The following EXOC4 variants were observed in gnomAD, a reference collection of about 807,000 sequenced individuals.
EXOC4 encodes the protein SEC8-like 1.
A neutral mutation model predicts 107.2 loss-of-function variants in EXOC4; 71 were observed. That is an observed-to-expected ratio of 0.66 (90% CI 0.55 to 0.81). The LOEUF (loss-of-function observed/expected upper bound fraction) is 0.81, where lower values mean the gene tolerates loss of function less well. Among genes scored for constraint, EXOC4 ranks in the 30% least tolerant of loss-of-function variants. The pLI is 0.00. For missense variants in EXOC4, 1,108 were observed against 1,189.6 expected (o/e 0.93, Z 1.01); for synonymous variants, 456 against 441.2 (o/e 1.03, Z -0.42).
chr7:133,280,956 G>A (rs1464961609), intron 2 of EXOC4, among the ~76,000 whole-genome samples: 1 of 152,156 alleles, frequency 6.6e-6, no homozygotes, highest in Non-Finnish European at 1.5e-5. Flanking sequence ...TTAAATGCGT[G>A]CAGCACTCTA....
At position 133,297,938 on chromosome 7, in the gene EXOC4, A is replaced by G. The variant is rs557080161; in HGVS notation, c.472-7939A>G. Among the ~76,000 whole-genome samples the G allele has an allele frequency of 7.9e-5, 12 of 152,322 alleles. No homozygotes were observed. The South Asian group carries it at 2.5e-3, about 32-fold the overall frequency. ...ATCCTCCATCATATTTCTGGTTTCA[A>G]CCTCACATACGACCTTTCTTGAACA... On this transcript the variant is annotated intron_variant, in intron 3 of 17. Coordinates refer to ENST00000253861, the MANE Select transcript of EXOC4 (RefSeq NM_021807.4).
chr7:133,803,371 A>G (rs959647084), intron 10 of EXOC4, among the ~76,000 whole-genome samples: 3 of 152,204 alleles, frequency 2.0e-5, no homozygotes, highest in African/African-American at 7.2e-5. Flanking sequence ...TTTTAAATGT[A>G]CAAACCATTT....
chr7:133,835,490 T>A (rs1321813138), intron 11 of EXOC4, among the ~76,000 whole-genome samples: 2 of 152,224 alleles, frequency 1.3e-5, no homozygotes, highest in Non-Finnish European at 2.9e-5. Context: ...TTTGAGTTTC[T>A]GATTAGCCTT....
At chr7:133,873,537 T>C (rs1389442819) in intron 11 of EXOC4, among the ~76,000 whole-genome samples, 1 of 152,190 alleles carries the variant, frequency 6.6e-6, no homozygotes, top group Non-Finnish European at 1.5e-5. Context: ...TTTATTTTCT[T>C]AGAAGAGGCT....
At chr7:133,806,461 A>G (rs1007450084) in intron 10 of EXOC4, among the ~76,000 whole-genome samples, 12 of 152,244 alleles carry the variant, frequency 7.9e-5, no homozygotes, top group Admixed American at 2.0e-4. Flanking sequence ...TCAGGGCTGG[A>G]GATAATATTT....
At position 134,064,315 on chromosome 7, in the gene EXOC4, C is replaced by T. The variant is rs751083672; in HGVS notation, c.2712C>T (p.Asn904=). The T allele has an allele frequency of 6.7e-7, 1 of 1,483,744 alleles. No individual in the cohort carries two copies. The highest frequency in any genetic ancestry group is 9.0e-7 in the Non-Finnish European group (1 of 1,108,060). 91.9% of individuals were successfully genotyped at this position (1,483,744 alleles called of 1,614,324 possible). The change falls in exon 18 of 18, where the codon AAC becomes AAT. Residue 904 remains asparagine, a synonymous_variant. Coordinates refer to ENST00000253861, the MANE Select transcript of EXOC4 (RefSeq NM_021807.4). ...FARQYYEMLY[N]TADELLNLVV... Reference sequence around the variant, plus strand: ...GGCAGTACTACGAGATGCTTTACAACACAGCTGACGAGCTCCTGAACCTGG... The same window carrying T: ...GGCAGTACTACGAGATGCTTTACAATACAGCTGACGAGCTCCTGAACCTGG...
chr7:133,673,439 T>C lies in EXOC4; in HGVS notation c.1514+43298T>C, dbSNP rs1474004351. Among the ~76,000 whole-genome samples the C allele has an allele frequency of 3.9e-5, 6 of 152,322 alleles. No individual in the cohort carries two copies. In the East Asian group the frequency reaches 1.2e-3, roughly 29 times the overall value. ...TTGAGAGTTAACCTTGCATCTCCTGTCTTTCTCTTTTCCCCTTGAATGAAG... is the reference window on the plus strand; with the variant it reads ...TTGAGAGTTAACCTTGCATCTCCTGCCTTTCTCTTTTCCCCTTGAATGAAG... On this transcript the variant is annotated intron_variant, in intron 10 of 17. Coordinates refer to ENST00000253861, the MANE Select transcript of EXOC4 (RefSeq NM_021807.4).
intron 9 of EXOC4, among the ~76,000 whole-genome samples, chr7:133,576,150 A>T (rs1004666075): frequency 6.6e-6 from 1 of 151,940 alleles, no homozygotes; most frequent in Non-Finnish European, 1.5e-5. Context: ...GTTCTTTCCC[A>T]CCTCTTCTAC....
At position 133,787,157 on chromosome 7, in the gene EXOC4, CT is replaced by C. The variant is rs1366429006; in HGVS notation, c.1515-30158del. Among the ~76,000 whole-genome samples the C allele has an allele frequency of 1.1e-4, 14 of 122,914 alleles. No individual in the cohort carries two copies. In the East Asian group the frequency reaches 1.3e-3, roughly 11 times the overall value. 80.6% of individuals were successfully genotyped at this position (122,914 alleles called of 152,430 possible). Reference sequence around the variant, plus strand: ...CTTTTTTTTTCTTGTTTTTTCTTTTCTTTTTTTTTTCTTTTCTTTTTTTTTT... The same window carrying C: ...CTTTTTTTTTCTTGTTTTTTCTTTTCTTTTTTTTTCTTTTCTTTTTTTTTT... On this transcript the variant is annotated intron_variant, in intron 10 of 17. Transcript: ENST00000253861.
chr7:133,874,761 CCT>C (rs1798815698), intron 11 of EXOC4, among the ~76,000 whole-genome samples: 1 of 152,244 alleles, frequency 6.6e-6, no homozygotes. Context: ...CAGACTTCCT[CCT>C]CTGACATGTT....
chr7:133,648,062 G>A (rs955353304), intron 10 of EXOC4, among the ~76,000 whole-genome samples: 1 of 152,044 alleles, frequency 6.6e-6, no homozygotes, highest in Non-Finnish European at 1.5e-5. Context: ...TATTTAATGG[G>A]CTAATATAGG....
intron 9 of EXOC4, among the ~76,000 whole-genome samples, chr7:133,512,266 CA>C (rs1799783692): frequency 6.6e-6 from 1 of 151,988 alleles, no homozygotes; most frequent in Non-Finnish European, 1.5e-5. Flanking sequence ...CCCGTCTCTA[CA>C]AAGAATACAA....
At chr7:133,305,324 G>A (rs1700448130) in intron 3 of EXOC4, among the ~76,000 whole-genome samples, 1 of 152,122 alleles carries the variant, frequency 6.6e-6, no homozygotes, top group Admixed American at 6.6e-5. Context: ...GAGAGGTGAT[G>A]ACTACTATTG....
At chr7:133,270,226 G>GT (rs1483101319) in intron 1 of EXOC4, among the ~76,000 whole-genome samples, 3 of 152,156 alleles carry the variant, frequency 2.0e-5, no homozygotes, top group South Asian at 4.1e-4. Flanking sequence ...ATGTGGAATT[G>GT]TAAGTCCAGT....
chr7:133,271,340 G>A (rs1433680136), intron 1 of EXOC4, among the ~76,000 whole-genome samples: 1 of 152,062 alleles, frequency 6.6e-6, no homozygotes, highest in Non-Finnish European at 1.5e-5. Flanking sequence ...ACAGAACTTG[G>A]AAATAAATGT....
At chr7:133,283,138 C>T (rs937732796) in intron 2 of EXOC4, among the ~76,000 whole-genome samples, 14 of 152,214 alleles carry the variant, frequency 9.2e-5, no homozygotes, top group Admixed American at 4.6e-4. Context: ...CAGGGTCGCA[C>T]TCTGTTGTCC....
At chr7:133,819,462 G>A (rs781563881) in intron 11 of EXOC4, among the ~76,000 whole-genome samples, 43 of 152,050 alleles carry the variant, frequency 2.8e-4, no homozygotes, top group Non-Finnish European at 4.7e-4. Context: ...TCAGGCAGCA[G>A]GAAGGTGCTC....
At chr7:133,476,103 A>C (rs151011653) in intron 8 of EXOC4, among the ~76,000 whole-genome samples, 5 of 152,280 alleles carry the variant, frequency 3.3e-5, no homozygotes, top group Non-Finnish European at 5.9e-5. Context: ...AAATAATCTC[A>C]GTTAAACATA....
At chr7:133,707,823 G>A (rs1794801843) in intron 10 of EXOC4, among the ~76,000 whole-genome samples, 1 of 151,932 alleles carries the variant, frequency 6.6e-6, no homozygotes, top group South Asian at 2.1e-4. Context: ...GCCATGTTGG[G>A]CAGGCTGGTC....
Sources: allele counts gnomAD v4.1 joint callset (sites outside exome capture counted in the v4.1 genomes callset), GRCh38; gene constraint gnomAD v4.1.1; transcripts MANE v1.5; gene names NCBI Gene and HGNC (gene_info 2026-07-23, HGNC 2026-07-21).